AGTPBP1: variants seen among roughly 807,000 people sequenced by gnomAD.
AGTPBP1 encodes ATP/GTP binding carboxypeptidase 1.
In AGTPBP1, 70 loss-of-function variants were observed where a neutral mutation model predicts 143.9. The observed-to-expected ratio is 0.49, with a 90% CI of 0.40 to 0.59. The LOEUF (loss-of-function observed/expected upper bound fraction) is 0.59, where lower values mean the gene tolerates loss of function less well. Among genes scored for constraint, AGTPBP1 ranks in the 20% least tolerant of loss-of-function variants. AGTPBP1 has a pLI of 0.00. For synonymous variants in AGTPBP1, 463 were observed against 500.2 expected, an observed-to-expected ratio of 0.93 and a Z score of 0.99; for missense variants, 1,229 against 1,464.5, an observed-to-expected ratio of 0.84 and a Z score of 2.62.
intron 9 of AGTPBP1, among the ~76,000 whole-genome samples, chr9:85,659,964 G>A (rs143544896): frequency 2.0e-5 from 3 of 151,834 alleles, no homozygotes; most frequent in East Asian, 1.9e-4. Context: ...CATTTCATTC[G>A]AAAAATAAAA....
chr9:85,661,103 A>G (rs74431437), intron 8 of AGTPBP1, 130 bp from the exon 9 acceptor site: 13,967 of 691,878 alleles, frequency 0.02, 183 homozygotes, highest in Middle Eastern at 0.031. Context: ...CTTGTTTAAG[A>G]TAATTACACA....
chr9:85,652,991 T>C (rs1833263493), intron 11 of AGTPBP1, among the ~76,000 whole-genome samples: 2 of 152,146 alleles, frequency 1.3e-5, no homozygotes, highest in African/African-American at 4.8e-5. Flanking sequence ...GACACATATT[T>C]GGGGGTCAGA....
intron 6 of AGTPBP1, among the ~76,000 whole-genome samples, chr9:85,674,602 A>G (rs895684708): frequency 6.6e-6 from 1 of 152,122 alleles, no homozygotes; most frequent in Non-Finnish European, 1.5e-5. Flanking sequence ...CTTAAATACA[A>G]GAGCTAAAGA....
intron 2 of AGTPBP1, among the ~76,000 whole-genome samples, chr9:85,711,732 G>A (rs62570593): frequency 0.015 from 2,252 of 152,046 alleles, 24 homozygotes; most frequent in Middle Eastern, 0.037. Context: ...AAGCCACTGC[G>A]CCCAGCCTAA....
intron 20 of AGTPBP1, 23 bp downstream of exon 20, chr9:85,589,505 G>C: frequency 6.3e-7 from 1 of 1,589,372 alleles, no homozygotes; most frequent in Non-Finnish European, 8.5e-7. Flanking sequence ...GACTGCTATT[G>C]TGAGTTGGGA....
intron 25 of AGTPBP1, among the ~76,000 whole-genome samples, chr9:85,550,866 T>A (rs1446866743): frequency 6.6e-6 from 1 of 152,172 alleles, no homozygotes; most frequent in East Asian, 1.9e-4. Flanking sequence ...CAGCACTGTT[T>A]CCTCTGCATA....
the AGTPBP1 span, among the ~76,000 whole-genome samples, chr9:85,755,752 G>C: frequency 1.2e-4 from 19 of 152,302 alleles, no homozygotes; most frequent in Non-Finnish European, 2.1e-4. Flanking sequence ...GAACTGTGCA[G>C]CACTACAACA....
chr9:85,553,903 C>T (rs1826176699), intron 25 of AGTPBP1: 1 of 152,178 alleles, frequency 6.6e-6, no homozygotes, highest in Non-Finnish European at 1.5e-5. Flanking sequence ...GCCTCAGCTG[C>T]ACACATCCAT....
intron 17 of AGTPBP1, among the ~76,000 whole-genome samples, chr9:85,612,217 G>A (rs994830550): frequency 6.6e-6 from 1 of 152,104 alleles, no homozygotes; most frequent in Non-Finnish European, 1.5e-5. Context: ...TGTACTCTTT[G>A]ATGGGGATTG....
At chr9:85,678,476 A>G in intron 4 of AGTPBP1, 78 bp from the exon 5 acceptor site, 1 of 861,346 alleles carries the variant, frequency 1.2e-6, no homozygotes, top group Non-Finnish European at 1.8e-6. Context: ...GGAACTACCT[A>G]TATTTTACAA....
intron 11 of AGTPBP1, among the ~76,000 whole-genome samples, chr9:85,653,219 A>T (rs1833279552): frequency 7.0e-6 from 1 of 142,938 alleles, no homozygotes; most frequent in African/African-American, 2.5e-5. Context: ...AGCCTGGGAA[A>T]CATGGGGGGA....
intron 8 of AGTPBP1, among the ~76,000 whole-genome samples, chr9:85,668,692 CAAACA>C (rs1834279379): frequency 2.6e-5 from 4 of 151,086 alleles, no homozygotes; most frequent in African/African-American, 9.7e-5. Context: ...GAAAAACAAA[CAAACA>C]AAAGTGTGGA....
chr9:85,623,756 C>CAA (rs529304682), intron 14 of AGTPBP1, among the ~76,000 whole-genome samples: 2,267 of 83,856 alleles, frequency 0.027, 25 homozygotes, highest in Middle Eastern at 0.11. Context: ...GACTCTGTCT[C>CAA]AAAAAAAAAA....
chr9:85,803,670 C>G, the AGTPBP1 span, among the ~76,000 whole-genome samples: 1 of 152,174 alleles, frequency 6.6e-6, no homozygotes, highest in East Asian at 1.9e-4. Context: ...ACAGCAATAT[C>G]ACTCCTAGGC....
At chr9:85,643,934 T>C (rs890378187) in intron 12 of AGTPBP1, among the ~76,000 whole-genome samples, 1 of 152,174 alleles carries the variant, frequency 6.6e-6, no homozygotes, top group African/African-American at 2.4e-5. Flanking sequence ...TTTAATTTTG[T>C]ATTTACTTAC....
In AGTPBP1 at chr9:85,595,524, T is replaced by TTTTA. The variant is rs372918382; in HGVS notation, c.2423+834_2423+837dup. 2.0e-3 allele frequency among the ~76,000 whole-genome samples: 306 copies of TTTTA among 152,216 alleles called. 1 individual carries two copies. Among genetic ancestry groups the TTTTA allele is most frequent in the Non-Finnish European group, 2.7e-3 (181 of 68,006 alleles). On this transcript the variant is annotated intron_variant, in intron 18 of 25. Transcript: ENST00000357081. ...GGAAATTATTTCTAGCACTTATTTA[T>TTTTA]TTTATTTATTTATTTATTTAGAGAC... is the stretch of plus-strand genomic sequence containing the variant.
the AGTPBP1 span, among the ~76,000 whole-genome samples, chr9:85,760,416 C>G: frequency 5.9e-5 from 9 of 152,192 alleles, no homozygotes; most frequent in African/African-American, 2.2e-4. Flanking sequence ...AAAAGCTTAT[C>G]CACCATGATC....
chr9:85,588,932 G>GC (rs1828781936), intron 20 of AGTPBP1, among the ~76,000 whole-genome samples: 1 of 152,008 alleles, frequency 6.6e-6, no homozygotes, highest in African/African-American at 2.4e-5. Context: ...CAGAGATTTA[G>GC]CCCCCAAAAT....
At chr9:85,724,009 G>A (rs1468341441) in intron 1 of AGTPBP1, among the ~76,000 whole-genome samples, 3 of 152,068 alleles carry the variant, frequency 2.0e-5, no homozygotes, top group Admixed American at 1.3e-4. Context: ...ACATCTGGCC[G>A]GGTACGGTGG....
Sources: allele counts gnomAD v4.1 joint callset (sites outside exome capture counted in the v4.1 genomes callset), GRCh38; gene constraint gnomAD v4.1.1; transcripts MANE v1.5; gene names NCBI Gene and HGNC (gene_info 2026-07-23, HGNC 2026-07-21).